CDH4: variants seen among roughly 807,000 people sequenced by gnomAD.
CDH4 encodes cadherin-4.
CDH4 carries 33 observed loss-of-function variants against 86.0 expected under a neutral mutation model. The observed-to-expected ratio is 0.38, with a 90% confidence interval of 0.29 to 0.51. The LOEUF (loss-of-function observed/expected upper bound fraction) is 0.51, where lower values mean the gene tolerates loss of function less well. Among genes scored for constraint, CDH4 ranks in the 20% least tolerant of loss-of-function variants. The pLI, the probability that CDH4 is intolerant of heterozygous loss-of-function variation, is 0.86. For missense variants in CDH4, 1,114 were observed against 1,307.4 expected (o/e 0.85, Z 2.28); for synonymous variants, 555 against 549.4 (o/e 1.01, Z -0.14).
At chr20:61,759,823 C>T (rs1170707350) in intron 3 of CDH4, among the ~76,000 whole-genome samples, 1 of 152,102 alleles carries the variant, frequency 6.6e-6, no homozygotes, top group African/African-American at 2.4e-5. Context: ...TGGGGTTGCT[C>T]GTGAGTTGGG....
chr20:61,260,083 G>A (rs73311186), intron 2 of CDH4, among the ~76,000 whole-genome samples: 20,545 of 152,170 alleles, frequency 0.14, 1,464 homozygotes, highest in African/African-American at 0.17. Context: ...GCTTGGTTTT[G>A]TTGTCACATG....
At chr20:61,458,092 G>A (rs2085419314) in intron 2 of CDH4, among the ~76,000 whole-genome samples, 1 of 150,806 alleles carries the variant, frequency 6.6e-6, no homozygotes, top group South Asian at 2.1e-4. Context: ...ATATCATGGT[G>A]ATGGTCATGA....
chr20:61,608,165 G>A (rs11907102), intron 2 of CDH4, among the ~76,000 whole-genome samples: 4,831 of 152,204 alleles, frequency 0.032, 96 homozygotes, highest in Middle Eastern at 0.075. Context: ...CACCCGCTGC[G>A]GAGTTCTAGC....
intron 2 of CDH4, among the ~76,000 whole-genome samples, chr20:61,673,607 C>T (rs1044258671): frequency 2.9e-4 from 44 of 152,182 alleles, no homozygotes; most frequent in Admixed American, 2.0e-3. Context: ...CCCAGAAGGC[C>T]GCCCGTTCTT....
chr20:61,528,851 T>A (rs2085932153), intron 2 of CDH4, among the ~76,000 whole-genome samples: 2 of 65,082 alleles, frequency 3.1e-5, no homozygotes, highest in Non-Finnish European at 5.4e-5. Context: ...ATGATCTTGA[T>A]TTTTTTTTTT....
At chr20:61,741,165 C>A (rs1223870783) in intron 2 of CDH4, among the ~76,000 whole-genome samples, 2 of 152,086 alleles carry the variant, frequency 1.3e-5, no homozygotes, top group Non-Finnish European at 2.9e-5. Flanking sequence ...GCCAAGACGG[C>A]ACCACGGCAC....
chr20:61,884,730 T>C (rs1984459920), intron 7 of CDH4, among the ~76,000 whole-genome samples: 1 of 152,042 alleles, frequency 6.6e-6, no homozygotes, highest in Non-Finnish European at 1.5e-5. Context: ...CCCGGGAAAT[T>C]CACCTGGACA....
intron 2 of CDH4, among the ~76,000 whole-genome samples, chr20:61,285,674 A>G (rs1164485343): frequency 6.6e-6 from 1 of 152,278 alleles, no homozygotes; most frequent in African/African-American, 2.4e-5. Flanking sequence ...ATGATCTGCA[A>G]CTGCAAATCT....
intron 8 of CDH4, among the ~76,000 whole-genome samples, chr20:61,905,565 GC>G (rs1371222675): frequency 6.6e-6 from 1 of 152,192 alleles, no homozygotes; most frequent in Non-Finnish European, 1.5e-5. Flanking sequence ...GTGCCCTCCT[GC>G]CCCCACCACT....
chr20:61,620,269 G>A (rs915066087), intron 2 of CDH4, among the ~76,000 whole-genome samples: 1 of 151,662 alleles, frequency 6.6e-6, no homozygotes, highest in Admixed American at 6.6e-5. Flanking sequence ...ATGGATGGGT[G>A]GGTAGATGGT....
rs942992525 is a variant in CDH4, at chr20:61,518,422, C to T, written c.170-225141C>T. Among the ~76,000 whole-genome samples the T allele has an allele frequency of 6.6e-5, 10 of 152,178 alleles. No homozygotes were observed. The highest frequency in any genetic ancestry group is 6.5e-5 in the Admixed American group (1 of 15,290). ...TGTTATGATGAGGCTGTCCATCATC[C>T]ATCTGTCATCCACTCATCATCCATC... On this transcript the variant is annotated intron_variant, in intron 2 of 15. Coordinates refer to ENST00000614565, the MANE Select transcript of CDH4 (RefSeq NM_001794.5). The surrounding 1 kb of genome is among the most constrained non-coding windows in gnomAD (Gnocchi z 6.3).
intron 4 of CDH4, among the ~76,000 whole-genome samples, chr20:61,792,866 A>G (rs73611575): frequency 0.3 from 46,114 of 152,026 alleles, 7,145 homozygotes; most frequent in East Asian, 0.37. Flanking sequence ...GGTCAGGCTA[A>G]TCTTGAACTC....
chr20:61,601,605 G>C (rs2086601508), intron 2 of CDH4, among the ~76,000 whole-genome samples: 1 of 152,220 alleles, frequency 6.6e-6, no homozygotes, highest in Non-Finnish European at 1.5e-5. Flanking sequence ...CCTCCTGTGT[G>C]TGTGCCCACC....
chr20:61,381,491 G>A (rs976906237), intron 2 of CDH4, among the ~76,000 whole-genome samples: 14 of 152,086 alleles, frequency 9.2e-5, no homozygotes. Flanking sequence ...TTTTGAAGAG[G>A]ATAAATGAAC....
At chr20:61,511,678 C>T (rs1248172834) in intron 2 of CDH4, among the ~76,000 whole-genome samples, 1 of 152,122 alleles carries the variant, frequency 6.6e-6, no homozygotes, top group African/African-American at 2.4e-5. Context: ...GAAAGAAAGA[C>T]GAGAGAGAAG....
chr20:61,566,665 T>C (rs1408628835), intron 2 of CDH4, among the ~76,000 whole-genome samples: 1 of 152,088 alleles, frequency 6.6e-6, no homozygotes. Flanking sequence ...ACTTTAGCAG[T>C]GGTACATATT....
chr20:61,472,254 A>G (rs77548301), intron 2 of CDH4, among the ~76,000 whole-genome samples: 156 of 152,322 alleles, frequency 1.0e-3, no homozygotes, highest in African/African-American at 3.4e-3. Flanking sequence ...TCACCATGCA[A>G]TGACCTCCTT....
intron 4 of CDH4, among the ~76,000 whole-genome samples, chr20:61,802,834 C>T (rs1413180634): frequency 6.6e-5 from 10 of 152,350 alleles, no homozygotes; most frequent in African/African-American, 2.4e-4. Context: ...CCGCCGTCCA[C>T]AGAGGCTTCA....
At chr20:61,489,243 G>A (rs956834574) in intron 2 of CDH4, among the ~76,000 whole-genome samples, 2 of 152,204 alleles carry the variant, frequency 1.3e-5, no homozygotes, top group Non-Finnish European at 1.5e-5. Flanking sequence ...TTAAGCTCCT[G>A]TGCCTCTCCT....
Sources: allele counts gnomAD v4.1 joint callset (sites outside exome capture counted in the v4.1 genomes callset), GRCh38; gene constraint gnomAD v4.1.1; non-coding constraint Gnocchi (gnomAD v3.1); transcripts MANE v1.5; gene names NCBI Gene and HGNC (gene_info 2026-07-23, HGNC 2026-07-21).